The following USP2 variants were observed in gnomAD, a reference collection of about 807,000 sequenced individuals.
USP2 encodes the protein ubiquitin specific peptidase 2.
USP2 carries 33 observed loss-of-function variants against 72.0 expected under a neutral mutation model. The ratio of observed to expected loss-of-function variants is 0.46; its 90% confidence interval spans 0.35 to 0.61. The LOEUF is 0.61. Ranked by LOEUF, USP2 falls within the 20% of genes least tolerant of loss-of-function variation. USP2 has a pLI of 0.01. For synonymous variants in USP2, 296 were observed against 312.5 expected, an observed-to-expected ratio of 0.95 and a Z score of 0.56; for missense variants, 691 against 797.8, an observed-to-expected ratio of 0.87 and a Z score of 1.61.
chr11:119,355,853 G>A lies in USP2; in HGVS notation c.*982C>T, dbSNP rs904333175. ...ATGCCCTGTCGGAAGGAATCTACCTGCTTTCTTCTTTGCCTCACTGCAATG... is the reference window on the plus strand; with the variant it reads ...ATGCCCTGTCGGAAGGAATCTACCTACTTTCTTCTTTGCCTCACTGCAATG... On this transcript the variant is annotated 3_prime_UTR_variant, in exon 13 of 13. Transcript: ENST00000260187. 2.0e-5 allele frequency: 3 copies of A among 152,190 alleles called. No individual in the cohort carries two copies. The highest frequency in any genetic ancestry group is 6.5e-5 in the Admixed American group (1 of 15,270). The allele number at this position is 152,190 out of a possible 1,614,324, so 9.4% of individuals were successfully genotyped here. A position where few individuals can be genotyped will look rare whatever the true frequency, so the allele number is the denominator to read the frequency against.
In USP2 at chr11:119,356,064, A is replaced by AAC. The variant is rs1190972065; in HGVS notation, c.*769_*770dup. 6.6e-6 allele frequency: 1 copy of AAC among 150,812 alleles called. No homozygotes were observed. The highest frequency in any genetic ancestry group is 1.5e-5 in the Non-Finnish European group (1 of 67,710). The allele number at this position is 150,812 out of a possible 1,614,324, so 9.3% of individuals were successfully genotyped here. Reference sequence around the variant, plus strand: ...CAAAACATTAAAAAAAAAAAAAAAAAACCCAAACCCCCAAAACAGAAACTT... The same window carrying AAC: ...CAAAACATTAAAAAAAAAAAAAAAAAACACCCAAACCCCCAAAACAGAAACTT... On this transcript the variant is annotated 3_prime_UTR_variant, in exon 13 of 13. Coordinates refer to ENST00000260187, the MANE Select transcript of USP2 (RefSeq NM_004205.5).
chr11:119,381,543 C>A lies in USP2; in HGVS notation c.-112G>T, dbSNP rs982416365. 15 of 1,536,078 alleles carry A rather than the reference C, an allele frequency of 9.8e-6. No homozygotes were observed. The Admixed American group carries it at 2.5e-4, about 26-fold the overall frequency. Reference sequence around the variant, plus strand: ...GGAGCTGCGGGTGAGTCCCGGCTGGCGCTGGCGCGGCGCAGTGAGCACCAG... The same window carrying A: ...GGAGCTGCGGGTGAGTCCCGGCTGGAGCTGGCGCGGCGCAGTGAGCACCAG... On this transcript the variant is annotated 5_prime_UTR_variant, in exon 1 of 13. Coordinates refer to ENST00000260187, the MANE Select transcript of USP2 (RefSeq NM_004205.5).
chr11:119,366,310 C>A (rs1309282346), intron 2 of USP2, among the ~76,000 whole-genome samples: 4 of 152,314 alleles, frequency 2.6e-5, no homozygotes, highest in Non-Finnish European at 4.4e-5. Flanking sequence ...AAAACCCATG[C>A]TTTTAACAGG....
At chr11:119,373,940 G>A (rs1441825835) in intron 1 of USP2, among the ~76,000 whole-genome samples, 1 of 152,220 alleles carries the variant, frequency 6.6e-6, no homozygotes, top group Non-Finnish European at 1.5e-5. Context: ...TATTTCAGGA[G>A]TTAAGACCAC....
chr11:119,360,476 T>G (rs1591318826), intron 2 of USP2: 3 of 570,786 alleles, frequency 5.3e-6, no homozygotes, highest in Non-Finnish European at 9.8e-6. Flanking sequence ...CAGGCTGGAG[T>G]GCAGTGGTAC....
In USP2 at chr11:119,355,486, T is replaced by TGCCC. The variant is rs1565300094; in HGVS notation, c.*1348_*1349insGGGC. ...TTACTCTCCAGGACAGCACAGAGTTTTATCCAACTATGTAGGGCAAAATTG... is the reference window on the plus strand; with the variant it reads ...TTACTCTCCAGGACAGCACAGAGTTTGCCCTATCCAACTATGTAGGGCAAAATTG... On this transcript the variant is annotated 3_prime_UTR_variant, in exon 13 of 13. Coordinates refer to ENST00000260187, the MANE Select transcript of USP2 (RefSeq NM_004205.5). 26 of 152,210 alleles carry TGCCC rather than the reference T, an allele frequency of 1.7e-4. No individual in the cohort carries two copies. The highest frequency in any genetic ancestry group is 4.3e-4 in the African/African-American group (18 of 41,438). 9.4% of individuals were successfully genotyped at this position (152,210 alleles called of 1,614,324 possible). A position where few individuals can be genotyped will look rare whatever the true frequency, so the allele number is the denominator to read the frequency against.
Position 119,372,979 on chromosome 11 carries a change from G to C in USP2, c.502C>G (p.Arg168Gly). 1 of 1,613,832 alleles carries C rather than the reference G, an allele frequency of 6.2e-7. No homozygotes were observed. The highest frequency in any genetic ancestry group is 8.5e-7 in the Non-Finnish European group (1 of 1,180,018). Reference protein sequence around the residue: ...SYRIDPRNLGRSPMLARTRKE... With the variant: ...SYRIDPRNLGGSPMLARTRKE... ...CGCGTCCGGGCCAGCATGGGGCTGC[G>C]GCCCAGGTTCCTGGGGTCTATCCGG... Residue 168 changes from arginine (R) to glycine (G), a missense_variant, in exon 2 of 13, where the codon CGC (arginine) becomes GGC (glycine). By Grantham distance (125) the Arg-to-Gly change is moderately radical. Transcript: ENST00000260187.
chr11:119,357,115 G>C (rs1305160900), intron 12 of USP2, 72 bp downstream of exon 12: 59 of 1,504,768 alleles, frequency 3.9e-5, no homozygotes, highest in East Asian at 2.8e-4. Context: ...GGTGGGTTTG[G>C]GGGGAGGGTG....
chr11:119,373,327 T>C lies in USP2; in HGVS notation c.154A>G (p.Lys52Glu), dbSNP rs1348435061. 3.7e-6 allele frequency: 6 copies of C among 1,613,300 alleles called. No individual in the cohort carries two copies. The highest frequency in any genetic ancestry group is 5.1e-6 in the Non-Finnish European group (6 of 1,179,882). ...AGGAAGCTGCTGGTGGGGACCGGCTTGAAACCAAGTTTCTCCTTCTCCAGT... is the reference window on the plus strand; with the variant it reads ...AGGAAGCTGCTGGTGGGGACCGGCTCGAAACCAAGTTTCTCCTTCTCCAGT... ...SLLEKEKLGF[K>E]PVPTSSFLTR... The change falls in exon 2 of 13, where the codon AAG becomes GAG. Residue 52 changes from lysine to glutamate, a missense_variant. Lys to Glu is a moderately conservative substitution (Grantham distance 56). Transcript: ENST00000260187.
chr11:119,357,560 C>T lies in USP2; in HGVS notation c.1532G>A (p.Arg511Gln), dbSNP rs146464241. ...HLKRFSESRI[R>Q]TSKLTTFVNF... is the part of the protein sequence containing the mutation. ...CACAAATGTTGTGAGCTTGCTGGTT[C>T]GGATCCTGGATTCTGAGAACCGCTT... The change falls in exon 11 of 13, where the codon CGA becomes CAA. Residue 511 changes from arginine to glutamine, a missense_variant. By Grantham distance (43) the Arg-to-Gln change is conservative. Coordinates refer to ENST00000260187, the MANE Select transcript of USP2 (RefSeq NM_004205.5). The T allele has an allele frequency of 1.1e-5, 17 of 1,614,032 alleles. No individual in the cohort carries two copies. Among genetic ancestry groups the T allele is most frequent in the East Asian group, 4.5e-5 (2 of 44,886 alleles).
At chr11:119,359,714 G>A (rs1321967887) in intron 3 of USP2, 54 bp from the exon 4 acceptor site, 9 of 1,596,442 alleles carry the variant, frequency 5.6e-6, no homozygotes, top group Non-Finnish European at 7.7e-6. Context: ...ACCTTCACCT[G>A]TGTTACTTAC....
intron 7 of USP2, 54 bp downstream of exon 7, chr11:119,358,717 ACT>A (rs1950713353): frequency 6.3e-7 from 1 of 1,592,638 alleles, no homozygotes; most frequent in South Asian, 1.1e-5. Context: ...TTCATGCTCC[ACT>A]CAGGCAAGAG....
In USP2 at chr11:119,381,689, C is replaced by T. The variant is rs1394323115; in HGVS notation, c.-258G>A. ...CCAGCGGGCAGCCGCCTCATCGCGC[C>T]TGGGCCGGCAGAGCCACACCCCGCG... On this transcript the variant is annotated 5_prime_UTR_variant, in exon 1 of 13. Coordinates refer to ENST00000260187, the MANE Select transcript of USP2 (RefSeq NM_004205.5). The T allele has an allele frequency of 1.2e-6, 1 of 806,760 alleles. No individual in the cohort carries two copies. The highest frequency in any genetic ancestry group is 2.0e-6 in the Non-Finnish European group (1 of 487,998). The allele number at this position is 806,760 out of a possible 1,614,324, so 50.0% of individuals were successfully genotyped here.
At chr11:119,363,790 A>C in intron 2 of USP2, 1 of 1,291,000 alleles carries the variant, frequency 7.7e-7, no homozygotes, top group Non-Finnish European at 1.0e-6. Flanking sequence ...GGCAGAGGCC[A>C]GGGAGAAGGC....
rs952042184 is a variant in USP2 at position 119,379,544 on chromosome 11, G to A, written c.-42+1929C>T. ...CAAGGGCATGTGCAGATAGCGAGAA[G>A]CAGAAAGGGGACTAGTACTCAGGTT... On this transcript the variant is annotated intron_variant, in intron 1 of 12. Coordinates refer to ENST00000260187, the MANE Select transcript of USP2 (RefSeq NM_004205.5). Among the ~76,000 whole-genome samples, 5 of 152,218 alleles carry A rather than the reference G, an allele frequency of 3.3e-5. No homozygotes were observed. In the South Asian group the frequency reaches 6.2e-4, roughly 19 times the overall value.
chr11:119,377,294 G>T (rs1384039314), intron 1 of USP2, among the ~76,000 whole-genome samples: 2 of 152,152 alleles, frequency 1.3e-5, no homozygotes, highest in African/African-American at 2.4e-5. Flanking sequence ...TGCTATATCT[G>T]GCCTGAAGCC....
Position 119,372,595 on chromosome 11 carries a change from C to T in USP2, c.774+112G>A, listed in dbSNP as rs564488735. The T allele has an allele frequency of 5.3e-6, 6 of 1,127,884 alleles. No homozygotes were observed. The African/African-American group carries it at 9.3e-5, about 18-fold the overall frequency. The allele number at this position is 1,127,884 out of a possible 1,614,324, so 69.9% of individuals were successfully genotyped here. ...GATGACTTCTCTTGTTTGTCTCCAC[C>T]AGGAGCAGCCTGTCAGTCATCAGTC... On this transcript the variant is annotated intron_variant, in intron 2 of 12. Coordinates refer to ENST00000260187, the MANE Select transcript of USP2 (RefSeq NM_004205.5).
chr11:119,363,736 G>T, intron 2 of USP2: 2 of 758,696 alleles, frequency 2.6e-6, no homozygotes, highest in Non-Finnish European at 3.7e-6. Flanking sequence ...AAGGAGGGGT[G>T]GGGGCTGGGA....
At chr11:119,380,108 G>A (rs906016398) in intron 1 of USP2, among the ~76,000 whole-genome samples, 1 of 151,768 alleles carries the variant, frequency 6.6e-6, no homozygotes, top group Non-Finnish European at 1.5e-5. Context: ...GTAGAGATGG[G>A]GTTTCACCGT....
Sources: gnomAD v4.1 joint callset for allele counts (sites outside exome capture counted in the v4.1 genomes callset) on GRCh38, gnomAD v4.1.1 for gene constraint, MANE v1.5 for transcripts, NCBI Gene and HGNC (gene_info 2026-07-23, HGNC 2026-07-21) for gene names.